USP6: variants seen among roughly 807,000 people sequenced by gnomAD.
USP6 encodes ubiquitin specific peptidase 6.
Under a neutral mutation model 175.7 loss-of-function variants are expected in USP6, and 128 were observed. The observed-to-expected ratio is 0.73, with a 90% confidence interval of 0.63 to 0.84. USP6 has a LOEUF of 0.84. Among genes scored for constraint, USP6 ranks in the 40% least tolerant of loss-of-function variants. The probability of loss-of-function intolerance (pLI) is 0.00; values close to 1 mark genes in which losing one functional copy is unlikely to be tolerated. For synonymous variants in USP6, 562 were observed against 630.6 expected (o/e 0.89, Z 1.63); for missense variants, 1,498 against 1,760.3 (o/e 0.85, Z 2.67).
rs372792345 is a variant in USP6, at chr17:5,168,748, T to C, written c.3229-19T>C. On this transcript the variant is annotated intron_variant, in intron 34 of 37. Coordinates refer to ENST00000574788, the MANE Select transcript of USP6 (RefSeq NM_001304284.2). ...TTCAGAACCCTTTAATGCGATGTTT[T>C]CTACCTTTACTTCTCCAGATTATTC... 6.5e-7 allele frequency: 1 copy of C among 1,544,188 alleles called. No individual in the cohort carries two copies. The highest frequency in any genetic ancestry group is 1.4e-5 in the African/African-American group (1 of 72,818).
chr17:5,166,374 A>C (rs1256862884), intron 33 of USP6, among the ~76,000 whole-genome samples: 1 of 152,202 alleles, frequency 6.6e-6, no homozygotes, highest in East Asian at 1.9e-4. Flanking sequence ...AGCATTTGAC[A>C]GCCTCGTGAC....
Position 5,174,015 on chromosome 17 carries a change from C to T in USP6, c.*1037C>T. On this transcript the variant is annotated 3_prime_UTR_variant, in exon 38 of 38. Transcript: ENST00000574788. ...TATAAATTACAAACAAAACACATCCCAGACATTAGGAGTTCATAAGTATAT... is the reference window on the plus strand; with the variant it reads ...TATAAATTACAAACAAAACACATCCTAGACATTAGGAGTTCATAAGTATAT... The T allele has an allele frequency of 4.7e-6, 1 of 213,860 alleles. No homozygotes were observed. Among genetic ancestry groups the T allele is most frequent in the Non-Finnish European group, 9.5e-6 (1 of 105,358 alleles). The allele number at this position is 213,860 out of a possible 1,614,324, so 13.2% of individuals were successfully genotyped here. A position where few individuals can be genotyped will look rare whatever the true frequency, so the allele number is the denominator to read the frequency against.
Position 5,130,429 on chromosome 17 carries a change from A to G in USP6, c.62A>G (p.Lys21Arg). The G allele has an allele frequency of 6.2e-7, 1 of 1,614,140 alleles. No homozygotes were observed. Among genetic ancestry groups the G allele is most frequent in the Non-Finnish European group, 8.5e-7 (1 of 1,180,020 alleles). The change falls in exon 10 of 38, where the codon AAG (lysine) becomes AGG (arginine). Residue 21 changes from lysine to arginine, a missense_variant. Lys to Arg is a conservative substitution (Grantham distance 26). This residue lies in a region of USP6 where 281 missense variants were observed against 259.6 expected (regional missense o/e 1.08). Transcript: ENST00000574788. ...QAQERKDILM[K>R]YDKGHRAGLP... ...CAGGAGCGGAAGGACATACTTATGA[A>G]GTATGACAAGGTACAGTTCGGTCTG...
rs1408039414 is a variant in USP6 at position 5,168,863 on chromosome 17, T to G, written c.3325T>G (p.Phe1109Val). Reference sequence around the variant, plus strand: ...TCGGGAAAGTTTTGATCCGAGTGCTTTTTTGGTACCACGAGACCCGGCCCT... The same window carrying G: ...TCGGGAAAGTTTTGATCCGAGTGCTGTTTTGGTACCACGAGACCCGGCCCT... ...FLRESFDPSA[F>V]LVPRDPALCQ... The change falls in exon 35 of 38, where the codon TTT becomes GTT. Residue 1109 changes from phenylalanine (F) to valine (V), a missense_variant. Around this residue, in one of 2 missense-constraint regions of USP6, gnomAD observed 1,217 missense variants for 1,500.8 expected, o/e 0.81. Coordinates refer to ENST00000574788, the MANE Select transcript of USP6 (RefSeq NM_001304284.2). 6.2e-7 allele frequency: 1 copy of G among 1,613,474 alleles called. No individual in the cohort carries two copies.
rs942182732 is a variant in USP6, at chr17:5,116,525, G to C, written c.-2143G>C. The stretch of plus-strand genomic sequence containing the variant: ...AAAGGCCAGTGCCTGTCCGGGAAGA[G>C]CTCAGCCTAGTGGGGCGGGCGACAA... On this transcript the variant is annotated 5_prime_UTR_variant, in exon 1 of 38. Coordinates refer to ENST00000574788, the MANE Select transcript of USP6 (RefSeq NM_001304284.2). 3 of 152,358 alleles carry C rather than the reference G, an allele frequency of 2.0e-5. No homozygotes were observed. Among genetic ancestry groups the C allele is most frequent in the Non-Finnish European group, 4.4e-5 (3 of 68,120 alleles). The allele number at this position is 152,358 out of a possible 1,614,324, so 9.4% of individuals were successfully genotyped here. A position where few individuals can be genotyped will look rare whatever the true frequency, so the allele number is the denominator to read the frequency against.
At chr17:5,134,035 G>A (rs1395341499) in intron 15 of USP6, 39 bp downstream of exon 15, 1 of 1,599,440 alleles carries the variant, frequency 6.3e-7, no homozygotes, top group African/African-American at 1.3e-5. Flanking sequence ...GCAGAGATGG[G>A]GTGAACGAGA....
Position 5,170,714 on chromosome 17 carries a change from C to A in USP6, c.3753C>A (p.Gly1251=), listed in dbSNP as rs1340135352. The change falls in exon 36 of 38, where the codon GGC becomes GGA. Residue 1251 remains glycine (G), a synonymous_variant. Transcript: ENST00000574788. The stretch of plus-strand genomic sequence containing the variant: ...TGAGCCGAGGGCATATGCGGGGGGG[C>A]AGCCAACCAGAGCTGGTCACTCCTC... ...DALSRGHMRG[G]SQPELVTPQD... is the part of the protein sequence containing the mutation. 2 of 1,613,944 alleles carry A rather than the reference C, an allele frequency of 1.2e-6. No homozygotes were observed. The highest frequency in any genetic ancestry group is 2.2e-5 in the East Asian group (1 of 44,880).
chr17:5,134,406 A>C, intron 15 of USP6: 1 of 232,586 alleles, frequency 4.3e-6, no homozygotes, highest in Non-Finnish European at 8.5e-6. Flanking sequence ...TGCTGGGAAC[A>C]TGACATGGCA....
chr17:5,122,174 C>T (rs1189722124), intron 4 of USP6, among the ~76,000 whole-genome samples: 6 of 151,730 alleles, frequency 4.0e-5, no homozygotes, highest in South Asian at 2.1e-4. Context: ...AGGTGGTGCA[C>T]GCAGAAGAGA....
At chr17:5,142,542 A>G (rs1423240225) in intron 25 of USP6, 40 bp downstream of exon 25, 7 of 1,561,188 alleles carry the variant, frequency 4.5e-6, no homozygotes, top group Non-Finnish European at 6.1e-6. Context: ...TTAATTCCTA[A>G]ATAGTTGTTT....
rs566243118 is a variant in USP6, at chr17:5,145,635, A to G, written c.2167+56A>G. 3.3e-6 allele frequency: 5 copies of G among 1,507,786 alleles called. No homozygotes were observed. In the Admixed American group the frequency reaches 6.8e-5, roughly 20 times the overall value. 93.4% of individuals were successfully genotyped at this position (1,507,786 alleles called of 1,614,324 possible). On this transcript the variant is annotated intron_variant, in intron 27 of 37. Coordinates refer to ENST00000574788, the MANE Select transcript of USP6 (RefSeq NM_001304284.2). The stretch of plus-strand genomic sequence containing the variant: ...ATTCCATTAAATTTACTTTATTTAA[A>G]TAGCCTGAATTTGTAAGCATAGTTA...
At chr17:5,120,373 C>T (rs1394746546) in intron 2 of USP6, among the ~76,000 whole-genome samples, 8 of 152,084 alleles carry the variant, frequency 5.3e-5, no homozygotes, top group African/African-American at 9.7e-5. Flanking sequence ...GGGCTTAGCA[C>T]TTGTTGGGGA....
chr17:5,141,218 C>T (rs572151072), intron 22 of USP6, among the ~76,000 whole-genome samples: 14 of 152,142 alleles, frequency 9.2e-5, no homozygotes, highest in African/African-American at 2.9e-4. Context: ...AGGTACACTC[C>T]GTGATGTTCA....
At chr17:5,143,407 C>G (rs540654313) in intron 25 of USP6, among the ~76,000 whole-genome samples, 1 of 152,316 alleles carries the variant, frequency 6.6e-6, no homozygotes, top group Middle Eastern at 3.4e-3. Flanking sequence ...TTGTTCTGTA[C>G]TAAGAAAAAT....
chr17:5,152,965 C>T (rs1399209753), intron 30 of USP6, among the ~76,000 whole-genome samples: 1 of 152,164 alleles, frequency 6.6e-6, no homozygotes, highest in African/African-American at 2.4e-5. Context: ...CACTATGCTC[C>T]AGCCTCGATG....
chr17:5,126,743 C>G (rs1031547977), intron 6 of USP6: 1 of 152,324 alleles, frequency 6.6e-6, no homozygotes, highest in African/African-American at 2.4e-5. Context: ...TGTTCAGGCT[C>G]CTGGGGCTCC....
intron 31 of USP6, among the ~76,000 whole-genome samples, chr17:5,158,584 A>G (rs1427695537): frequency 1.5e-5 from 2 of 134,648 alleles, no homozygotes; most frequent in East Asian, 4.3e-4. Context: ...AGAGAGGGAG[A>G]GAGAGAGAGA....
chr17:5,122,240 C>T lies in USP6; in HGVS notation c.-1299+490C>T, dbSNP rs539323357. On this transcript the variant is annotated intron_variant, in intron 4 of 37. Coordinates refer to ENST00000574788, the MANE Select transcript of USP6 (RefSeq NM_001304284.2). ...CCTGGATCTCAGGGTAAGCGTGACT[C>T]ACAGTCAGGACTCAGTAAGTGTGGG... is the stretch of plus-strand genomic sequence containing the variant. Among the ~76,000 whole-genome samples the T allele has an allele frequency of 1.1e-4, 16 of 152,160 alleles. No individual in the cohort carries two copies. In the South Asian group the frequency reaches 3.3e-3, roughly 32 times the overall value.
chr17:5,160,291 TA>T (rs1486289042), intron 31 of USP6, among the ~76,000 whole-genome samples: 1 of 152,178 alleles, frequency 6.6e-6, no homozygotes, highest in Non-Finnish European at 1.5e-5. Context: ...ATGGTTTCAT[TA>T]CCTTCAATAG....
Sources: gnomAD v4.1 joint callset for allele counts (sites outside exome capture counted in the v4.1 genomes callset) on GRCh38, gnomAD v4.1.1 for gene constraint, gnomAD v4.1.1 regional missense constraint, MANE v1.5 for transcripts, NCBI Gene and HGNC (gene_info 2026-07-23, HGNC 2026-07-21) for gene names.